The following MGLL variants were observed in gnomAD, a reference collection of about 807,000 sequenced individuals.
The protein encoded by MGLL is lysophospholipase homolog.
Under a neutral mutation model 29.1 loss-of-function variants are expected in MGLL, and 7 were observed. The ratio of observed to expected loss-of-function variants is 0.24; its 90% CI spans 0.14 to 0.45. The LOEUF is 0.45. Ranked by LOEUF, MGLL falls within the 20% of genes least tolerant of loss-of-function variation. MGLL has a pLI of 0.99. For missense variants in MGLL, 356 were observed against 413.6 expected, an observed-to-expected ratio of 0.86 and a Z score of 1.21; for synonymous variants, 148 against 168.3, an observed-to-expected ratio of 0.88 and a Z score of 0.93.
At chr3:127,703,510 T>C (rs1314989693) in intron 6 of MGLL, among the ~76,000 whole-genome samples, 1 of 152,254 alleles carries the variant, frequency 6.6e-6, no homozygotes, top group Non-Finnish European at 1.5e-5. Flanking sequence ...TGAAAGCCTC[T>C]GTTTTGAGTC....
chr3:127,767,437 A>G (rs1450068380), intron 3 of MGLL, among the ~76,000 whole-genome samples: 1 of 152,214 alleles, frequency 6.6e-6, no homozygotes, highest in Non-Finnish European at 1.5e-5. Context: ...GGCTCGTGGC[A>G]AGGATCAAAT....
At chr3:127,701,437 CCT>C (rs1213212085) in intron 6 of MGLL, among the ~76,000 whole-genome samples, 2 of 152,158 alleles carry the variant, frequency 1.3e-5, no homozygotes, top group Non-Finnish European at 2.9e-5. Context: ...GCATTGGGTC[CCT>C]GTCACGCAGA....
chr3:127,703,556 C>T (rs187581735), intron 6 of MGLL, among the ~76,000 whole-genome samples: 3 of 152,266 alleles, frequency 2.0e-5, no homozygotes, highest in East Asian at 1.9e-4. Flanking sequence ...AGTATTCAGG[C>T]GCATTCAGGA....
chr3:127,750,910 G>A (rs903562423), intron 3 of MGLL, among the ~76,000 whole-genome samples: 2 of 152,220 alleles, frequency 1.3e-5, no homozygotes, highest in African/African-American at 4.8e-5. Context: ...ATTGGAGTTA[G>A]TGCCTTCATG....
chr3:127,697,839 T>C (rs1576470512), intron 6 of MGLL, among the ~76,000 whole-genome samples: 1 of 152,168 alleles, frequency 6.6e-6, no homozygotes, highest in East Asian at 1.9e-4. Context: ...TCCAGCAGGC[T>C]GGCGGTGCCC....
chr3:127,744,746 G>C (rs2076409321), intron 3 of MGLL, among the ~76,000 whole-genome samples: 1 of 152,142 alleles, frequency 6.6e-6, no homozygotes, highest in African/African-American at 2.4e-5. Flanking sequence ...AACCCCAAGA[G>C]CTTTTACACC....
intron 2 of MGLL, among the ~76,000 whole-genome samples, chr3:127,818,707 G>C (rs1015989807): frequency 3.9e-5 from 6 of 152,076 alleles, no homozygotes; most frequent in Non-Finnish European, 1.5e-5. Flanking sequence ...AGAAGATTGC[G>C]GACCAAATCC....
chr3:127,800,418 T>C (rs1176305805), intron 2 of MGLL, among the ~76,000 whole-genome samples: 1 of 152,254 alleles, frequency 6.6e-6, no homozygotes, highest in Admixed American at 6.5e-5. Flanking sequence ...ATCTAGGCTC[T>C]GTGACTTCCT....
intron 5 of MGLL, among the ~76,000 whole-genome samples, chr3:127,717,887 G>A (rs1469968340): frequency 3.9e-5 from 6 of 152,162 alleles, no homozygotes; most frequent in South Asian, 2.1e-4. Context: ...GGCACGAGCC[G>A]CGAGCCATGG....
intron 2 of MGLL, among the ~76,000 whole-genome samples, chr3:127,787,665 C>G (rs2077236636): frequency 1.3e-5 from 2 of 152,246 alleles, no homozygotes; most frequent in South Asian, 4.1e-4. Flanking sequence ...TCCCACACCC[C>G]TGAGGGTGTC....
chr3:127,763,991 C>T lies in MGLL; in HGVS notation c.262+17798G>A, dbSNP rs576212188. ...GCTCCACCTCCACCCTCCTCCCTCCCGGCTCTCAGGCGCTCCTCCAGCTTC... is the reference window on the plus strand; with the variant it reads ...GCTCCACCTCCACCCTCCTCCCTCCTGGCTCTCAGGCGCTCCTCCAGCTTC... On this transcript the variant is annotated intron_variant, in intron 3 of 7. Coordinates refer to ENST00000265052, the MANE Select transcript of MGLL (RefSeq NM_007283.7). Among the ~76,000 whole-genome samples the T allele has an allele frequency of 3.5e-4, 53 of 152,308 alleles. 2 individuals carry two copies. The South Asian group carries it at 0.01, about 30-fold the overall frequency.
Position 127,792,168 on chromosome 3 carries a change from A to G in MGLL, c.156-10273T>C, listed in dbSNP as rs183577435. ...TCCTTCTCTCTAGAAATTTACATCT[A>G]TCAATCTGGCTTTCAGATACTTGTG... On this transcript the variant is annotated intron_variant, in intron 2 of 7. Transcript: ENST00000265052. Among the ~76,000 whole-genome samples the G allele has an allele frequency of 2.8e-4, 42 of 152,336 alleles. No individual in the cohort carries two copies. The East Asian group carries it at 5.6e-3, about 20-fold the overall frequency.
intron 2 of MGLL, among the ~76,000 whole-genome samples, chr3:127,786,399 A>C (rs150327673): frequency 2.7e-4 from 41 of 152,386 alleles, no homozygotes; most frequent in African/African-American, 8.4e-4. Context: ...AGCAGAAATT[A>C]GGTTGCAGAG....
chr3:127,705,213 G>T (rs1210597815), intron 6 of MGLL, among the ~76,000 whole-genome samples: 1 of 151,962 alleles, frequency 6.6e-6, no homozygotes, highest in Non-Finnish European at 1.5e-5. Flanking sequence ...ACACACTGGG[G>T]CCTGTCAGGA....
chr3:127,822,546 C>G (rs1576332023), upstream of MGLL: 2 of 585,328 alleles, frequency 3.4e-6, no homozygotes, highest in Non-Finnish European at 6.0e-6. Context: ...GGGCGGGGAG[C>G]GGCGCTGCGA....
At chr3:127,820,278 G>A (rs1365394755) in intron 2 of MGLL, among the ~76,000 whole-genome samples, 2 of 152,210 alleles carry the variant, frequency 1.3e-5, no homozygotes, top group East Asian at 3.9e-4. Context: ...GAGCAGAGAG[G>A]GCTCCCTGCA....
Position 127,720,425 on chromosome 3 carries a change from A to G in MGLL, c.510+628T>C, listed in dbSNP as rs139817895. Among the ~76,000 whole-genome samples the G allele has an allele frequency of 4.2e-3, 643 of 152,090 alleles. 9 individuals are homozygous for G. Among genetic ancestry groups the G allele is most frequent in the African/African-American group, 0.015 (620 of 41,502 alleles). On this transcript the variant is annotated intron_variant, in intron 5 of 7. Transcript: ENST00000265052. ...ACAAGCAAGCCGCCCTACCGAGGCC[A>G]CTGGTTTCATCTCCTTTCTCGGGGA... is the stretch of plus-strand genomic sequence containing the variant.
chr3:127,809,222 A>T (rs1358718045), intron 2 of MGLL, among the ~76,000 whole-genome samples: 1 of 152,158 alleles, frequency 6.6e-6, no homozygotes, highest in African/African-American at 2.4e-5. Context: ...CATGGAGCTA[A>T]TATCCTCCAG....
intron 3 of MGLL, among the ~76,000 whole-genome samples, chr3:127,770,322 T>C (rs2076928126): frequency 1.3e-5 from 2 of 152,204 alleles, no homozygotes; most frequent in African/African-American, 2.4e-5. Flanking sequence ...GTAATCCCAC[T>C]GTAATGCCTC....
Sources: gnomAD v4.1 joint callset for allele counts (sites outside exome capture counted in the v4.1 genomes callset) on GRCh38, gnomAD v4.1.1 for gene constraint, MANE v1.5 for transcripts, NCBI Gene and HGNC (gene_info 2026-07-23, HGNC 2026-07-21) for gene names.